Variants in AUTS2 observed in about 807,000 individuals in gnomAD.
AUTS2 encodes the protein autism susceptibility gene 2 protein.
In AUTS2, 17 loss-of-function variants were observed where a neutral mutation model predicts 112.4. That is an observed-to-expected ratio of 0.15 (90% CI 0.10 to 0.23). The LOEUF is 0.23. Ranked by LOEUF, AUTS2 falls within the 10% of genes least tolerant of loss-of-function variation. The probability of loss-of-function intolerance (pLI) is 1.00; values close to 1 mark genes in which losing one functional copy is unlikely to be tolerated. For synonymous variants in AUTS2, 751 were observed against 702.7 expected (o/e 1.07, Z -1.09); for missense variants, 1,510 against 1,701.6 (o/e 0.89, Z 1.98).
At chr7:69,872,006 G>T (rs956283066) in intron 1 of AUTS2, among the ~76,000 whole-genome samples, 1 of 152,158 alleles carries the variant, frequency 6.6e-6, no homozygotes, top group African/African-American at 2.4e-5. Flanking sequence ...CCAGGAATTC[G>T]CTCGCGCCTG....
chr7:70,411,364 A>C (rs1794768802), intron 4 of AUTS2, among the ~76,000 whole-genome samples: 1 of 152,132 alleles, frequency 6.6e-6, no homozygotes, highest in South Asian at 2.1e-4. Context: ...ATTGAACTTC[A>C]AAAAAATCCT....
rs540245807 is a variant in AUTS2 at position 69,623,311 on chromosome 7, C to T, written c.309+23349C>T. Among the ~76,000 whole-genome samples, 44 of 151,834 alleles carry T rather than the reference C, an allele frequency of 2.9e-4. No individual in the cohort carries two copies. In the South Asian group the frequency reaches 8.8e-3, roughly 30 times the overall value. ...AGTCATGACTCACTGCAGTCTCAAA[C>T]TCCTGGGCTCAAGCAGTTCTCCTGC... On this transcript the variant is annotated intron_variant, in intron 1 of 18. Transcript: ENST00000342771.
At chr7:70,253,691 T>C (rs1413672097) in intron 4 of AUTS2, among the ~76,000 whole-genome samples, 4 of 152,194 alleles carry the variant, frequency 2.6e-5, no homozygotes, top group Non-Finnish European at 1.5e-5. Context: ...GACCATTTTA[T>C]GTAAATTAAG....
chr7:70,749,834 A>G (rs1788689501), intron 6 of AUTS2, among the ~76,000 whole-genome samples: 1 of 151,930 alleles, frequency 6.6e-6, no homozygotes, highest in Non-Finnish European at 1.5e-5. Context: ...CCTGCTTCTC[A>G]GTGAACTGTT....
chr7:70,736,851 A>G (rs189982045), intron 6 of AUTS2, among the ~76,000 whole-genome samples: 14 of 152,332 alleles, frequency 9.2e-5, no homozygotes, highest in African/African-American at 3.4e-4. Flanking sequence ...CATAGCGTAG[A>G]CGGATTGTGC....
intron 5 of AUTS2, among the ~76,000 whole-genome samples, chr7:70,524,509 A>T (rs1238913863): frequency 1.3e-5 from 2 of 152,210 alleles, no homozygotes; most frequent in Admixed American, 1.3e-4. Context: ...TCTCAGTTGC[A>T]TTAAGCTCCC....
At chr7:69,606,304 G>A (rs1441839489) in intron 1 of AUTS2, among the ~76,000 whole-genome samples, 1 of 152,106 alleles carries the variant, frequency 6.6e-6, no homozygotes, top group African/African-American at 2.4e-5. Flanking sequence ...TTAGAAATGA[G>A]GTCCCCAGAT....
chr7:70,448,075 G>A (rs1796388086), intron 5 of AUTS2, among the ~76,000 whole-genome samples: 1 of 152,214 alleles, frequency 6.6e-6, no homozygotes, highest in Middle Eastern at 3.2e-3. Flanking sequence ...AGAATAAAAT[G>A]ACTGCAGATT....
chr7:70,126,152 C>T (rs529223463), intron 3 of AUTS2, among the ~76,000 whole-genome samples: 2 of 152,212 alleles, frequency 1.3e-5, no homozygotes, highest in Non-Finnish European at 2.9e-5. Context: ...GGCATGGTGG[C>T]TCACGCCTGC....
chr7:70,116,996 G>A (rs905916767), intron 2 of AUTS2, among the ~76,000 whole-genome samples: 7 of 151,818 alleles, frequency 4.6e-5, no homozygotes, highest in Admixed American at 1.3e-4. Context: ...TTAGTCTTAT[G>A]TAGACTGATG....
intron 2 of AUTS2, among the ~76,000 whole-genome samples, chr7:69,967,844 A>T (rs1352031117): frequency 6.6e-6 from 1 of 151,984 alleles, no homozygotes; most frequent in Non-Finnish European, 1.5e-5. Context: ...GAAACCTGCC[A>T]CCTCCCTCCA....
In AUTS2 at chr7:70,412,930, G is replaced by A. The variant is rs145220316; in HGVS notation, c.661-22822G>A. Among the ~76,000 whole-genome samples the A allele has an allele frequency of 3.9e-3, 595 of 152,292 alleles. 5 individuals are homozygous for A. Among genetic ancestry groups the A allele is most frequent in the Middle Eastern group, 0.014 (4 of 294 alleles). ...CGCTTGAACCCGGGGGTCAGAGGTC[G>A]CAGGAGCCGAGATTGCACCACTGCA... On this transcript the variant is annotated intron_variant, in intron 4 of 18. Coordinates refer to ENST00000342771, the MANE Select transcript of AUTS2 (RefSeq NM_015570.4).
chr7:69,767,206 G>A (rs183639618), intron 1 of AUTS2, among the ~76,000 whole-genome samples: 169 of 151,480 alleles, frequency 1.1e-3, no homozygotes, highest in African/African-American at 3.8e-3. Flanking sequence ...TTGAGACAGA[G>A]TCTTGCTCTG....
intron 4 of AUTS2, among the ~76,000 whole-genome samples, chr7:70,337,293 A>G (rs1035903830): frequency 7.9e-5 from 12 of 152,236 alleles, no homozygotes; most frequent in Admixed American, 3.3e-4. Context: ...TTAGGCTTCA[A>G]AATACCAAAT....
intron 6 of AUTS2, among the ~76,000 whole-genome samples, chr7:70,714,019 C>T (rs559179857): frequency 1.3e-5 from 2 of 152,204 alleles, no homozygotes; most frequent in Admixed American, 1.3e-4. Context: ...TTTCCAGTCC[C>T]CTAAGAGCAC....
At position 69,915,275 on chromosome 7, in the gene AUTS2, A is replaced by T. The variant is rs533516168; in HGVS notation, c.522+15777A>T. ...GACCTCCCTTCTGTCCTTTTAAGAA[A>T]CTTTTGAGAAAAATGCATTATTCTA... On this transcript the variant is annotated intron_variant, in intron 2 of 18. Transcript: ENST00000342771. Among the ~76,000 whole-genome samples, 6 of 152,336 alleles carry T rather than the reference A, an allele frequency of 3.9e-5. No homozygotes were observed. The South Asian group carries it at 1.2e-3, about 32-fold the overall frequency.
chr7:70,468,499 G>A (rs1056755771), intron 5 of AUTS2, among the ~76,000 whole-genome samples: 1 of 152,200 alleles, frequency 6.6e-6, no homozygotes, highest in African/African-American at 2.4e-5. Context: ...ACCTGGACAA[G>A]TTACCTCCCC....
intron 5 of AUTS2, among the ~76,000 whole-genome samples, chr7:70,445,738 TA>T (rs1191446938): frequency 2.0e-5 from 3 of 152,212 alleles, no homozygotes; most frequent in African/African-American, 7.2e-5. Context: ...AGTCTTCCTT[TA>T]AGTGTCTGTA....
At chr7:70,407,822 A>T (rs1414432068) in intron 4 of AUTS2, among the ~76,000 whole-genome samples, 2 of 152,106 alleles carry the variant, frequency 1.3e-5, no homozygotes, top group Admixed American at 1.3e-4. Context: ...TGGGAGGCCA[A>T]GGCGGGCGGA....
Sources: allele counts gnomAD v4.1 joint callset (sites outside exome capture counted in the v4.1 genomes callset), GRCh38; gene constraint gnomAD v4.1.1; transcripts MANE v1.5; gene names NCBI Gene and HGNC (gene_info 2026-07-23, HGNC 2026-07-21).